TMEM106A: variants seen among roughly 807,000 people sequenced by gnomAD.
TMEM106A encodes transmembrane protein 106A.
Under a neutral mutation model 25.1 loss-of-function variants are expected in TMEM106A, and 22 were observed. That is an observed-to-expected ratio of 0.88 (90% CI 0.63 to 1.25). The LOEUF (loss-of-function observed/expected upper bound fraction) is 1.25. Ranked by LOEUF, TMEM106A falls within the 50% of genes most tolerant of loss-of-function variation. TMEM106A has a pLI of 0.00. For synonymous variants in TMEM106A, 104 were observed against 129.9 expected (o/e 0.80, Z 1.35); for missense variants, 275 against 318.1 (o/e 0.86, Z 1.03).
At chr17:43,213,372 C>A in intron 3 of TMEM106A, 120 bp downstream of exon 3, 1 of 1,054,378 alleles carries the variant, frequency 9.5e-7, no homozygotes, top group Non-Finnish European at 1.4e-6. Flanking sequence ...AGCTCTTGAC[C>A]TCCCAGTCTC....
rs754046057 is a variant in TMEM106A, at chr17:43,215,822, C to T, written c.310C>T (p.Leu104=). 1.2e-6 allele frequency: 2 copies of T among 1,614,110 alleles called. No individual in the cohort carries two copies. Among genetic ancestry groups the T allele is most frequent in the South Asian group, 1.1e-5 (1 of 91,084 alleles). ...LFVFLAVLIC[L]VTSSFIVFFL... Reference sequence around the variant, plus strand: ...TGTGTTCCTGGCCGTGCTCATCTGCCTGGTGACCTCCTCCTTCATCGTCTT... The same window carrying T: ...TGTGTTCCTGGCCGTGCTCATCTGCTTGGTGACCTCCTCCTTCATCGTCTT... The change falls in exon 5 of 9, where the codon CTG becomes TTG. Residue 104 remains leucine, a synonymous_variant. Transcript: ENST00000612339.
rs2057486584 is a variant in TMEM106A at position 43,216,438 on chromosome 17, T to C, written c.430-11T>C. ...ATCTTCACTCCTCCCTTCCCTTGTC[T>C]TCATCCCCAGAATATCTTAAACATC... On this transcript the variant is annotated splice_polypyrimidine_tract_variant and intron_variant, in intron 5 of 8. Transcript: ENST00000612339. 6.2e-7 allele frequency: 1 copy of C among 1,613,190 alleles called. No individual in the cohort carries two copies. The highest frequency in any genetic ancestry group is 8.5e-7 in the Non-Finnish European group (1 of 1,179,272).
intron 3 of TMEM106A, 95 bp downstream of exon 3, chr17:43,213,347 G>A: frequency 7.7e-7 from 1 of 1,298,480 alleles, no homozygotes; most frequent in Non-Finnish European, 1.1e-6. Flanking sequence ...CTTGGATGGG[G>A]TTAGATCTGC....
Position 43,217,823 on chromosome 17 carries a change from C to T in TMEM106A, c.*22C>T. 6.2e-7 allele frequency: 1 copy of T among 1,613,868 alleles called. No homozygotes were observed. The highest frequency in any genetic ancestry group is 8.5e-7 in the Non-Finnish European group (1 of 1,179,832). Reference sequence around the variant, plus strand: ...ATGACCTGTCTGCTGTCCCTGTACTCCAGGCACCTGCAACCCTGGTCTATA... The same window carrying T: ...ATGACCTGTCTGCTGTCCCTGTACTTCAGGCACCTGCAACCCTGGTCTATA... On this transcript the variant is annotated 3_prime_UTR_variant, in exon 9 of 9. Transcript: ENST00000612339.
intron 7 of TMEM106A, 125 bp downstream of exon 7, chr17:43,216,865 C>A: frequency 1.6e-6 from 2 of 1,265,048 alleles, no homozygotes; most frequent in Non-Finnish European, 2.3e-6. Flanking sequence ...CCTCCCATGG[C>A]CGAGAATGTA....
chr17:43,214,112 A>T, intron 4 of TMEM106A: 2 of 385,378 alleles, frequency 5.2e-6, no homozygotes, highest in Non-Finnish European at 9.5e-6. Flanking sequence ...GCACTTTGGG[A>T]GGCCAAGGCA....
At position 43,217,709 on chromosome 17, in the gene TMEM106A, C is replaced by T. The variant is rs1207001092; in HGVS notation, c.697C>T (p.His233Tyr). The T allele has an allele frequency of 6.2e-7, 1 of 1,614,202 alleles. No individual in the cohort carries two copies. Among genetic ancestry groups the T allele is most frequent in the Non-Finnish European group, 8.5e-7 (1 of 1,180,040 alleles). The change falls in exon 9 of 9, where the codon CAT becomes TAT. Residue 233 changes from histidine (H) to tyrosine (Y), a missense_variant. Coordinates refer to ENST00000612339, the MANE Select transcript of TMEM106A (RefSeq NM_145041.4). ...CACCCTGACCTGTTCATACCTGAGC[C>T]ATTCAGAGCAGCTGGTCTTTCAGAG... ...QGTLTCSYLSHSEQLVFQSYE... is the reference protein window; with the variant it reads ...QGTLTCSYLSYSEQLVFQSYE...
rs1273375911 is a variant in TMEM106A at position 43,219,701 on chromosome 17, C to T, written c.*1900C>T. On this transcript the variant is annotated 3_prime_UTR_variant, in exon 9 of 9. Transcript: ENST00000612339. ...GAGCCAAGATCGCACCACTGCACTCCAGCCTGGGCAACAAGGGCGAGACTC... is the reference window on the plus strand; with the variant it reads ...GAGCCAAGATCGCACCACTGCACTCTAGCCTGGGCAACAAGGGCGAGACTC... The T allele has an allele frequency of 7.0e-6, 1 of 142,798 alleles. No homozygotes were observed. The highest frequency in any genetic ancestry group is 1.5e-5 in the Non-Finnish European group (1 of 66,576). 8.8% of individuals were successfully genotyped at this position (142,798 alleles called of 1,614,324 possible).
In TMEM106A at chr17:43,217,266, T is replaced by C. The variant is rs1567877246; in HGVS notation, c.622T>C (p.Cys208Arg). 6.2e-7 allele frequency: 1 copy of C among 1,614,210 alleles called. No homozygotes were observed. The highest frequency in any genetic ancestry group is 8.5e-7 in the Non-Finnish European group (1 of 1,180,024). Residue 208 changes from cysteine to arginine, a missense_variant, in exon 8 of 9, where the codon TGT becomes CGT. Physicochemically the swap from Cys to Arg is radical, Grantham distance 180 (BLOSUM62 -3). Transcript: ENST00000612339. ...TCTTTTCTTCTCTCTCAGCAAAATC[T>C]GTACCTGGCTGGAAATCAAAGTCCA... is the stretch of plus-strand genomic sequence containing the variant. ...KIRDENTYKI[C>R]TWLEIKVHHV...
At position 43,213,129 on chromosome 17, in the gene TMEM106A, G is replaced by A. The variant is rs753242666; in HGVS notation, c.88G>A (p.Ala30Thr). ...LSSKPAIGSK[A>T]VNYSSTGSSK... ...CTCCAAACCAGCCATTGGCAGCAAG[G>A]CTGTCAACTACTCCAGCACCGGTAG... The change falls in exon 3 of 9, where the codon GCT (alanine) becomes ACT (threonine). Residue 30 changes from alanine (A) to threonine (T), a missense_variant. By Grantham distance (58) the Ala-to-Thr change is moderately conservative (BLOSUM62 0). Coordinates refer to ENST00000612339, the MANE Select transcript of TMEM106A (RefSeq NM_145041.4). The A allele has an allele frequency of 6.2e-7, 1 of 1,614,206 alleles. No individual in the cohort carries two copies. The highest frequency in any genetic ancestry group is 2.2e-5 in the East Asian group (1 of 44,884).
chr17:43,212,305 C>T lies in TMEM106A; in HGVS notation c.-111C>T, dbSNP rs1160697520. ...TCAGCTCAGCCCAGCCCAGCCCACT[C>T]TGCCCTTAGAGGCCCTTCTCCCCAA... On this transcript the variant is annotated 5_prime_UTR_variant, in exon 2 of 9. Coordinates refer to ENST00000612339, the MANE Select transcript of TMEM106A (RefSeq NM_145041.4). 1 of 152,732 alleles carries T rather than the reference C, an allele frequency of 6.5e-6. No individual in the cohort carries two copies. The highest frequency in any genetic ancestry group is 1.5e-5 in the Non-Finnish European group (1 of 68,342). The allele number at this position is 152,732 out of a possible 1,614,324, so 9.5% of individuals were successfully genotyped here. A position where few individuals can be genotyped will look rare whatever the true frequency, so the allele number is the denominator to read the frequency against.
chr17:43,215,485 C>A (rs2057476457), intron 4 of TMEM106A, among the ~76,000 whole-genome samples: 1 of 152,134 alleles, frequency 6.6e-6, no homozygotes, highest in Non-Finnish European at 1.5e-5. Flanking sequence ...ATAACAAATT[C>A]TGTGAGGTCA....
At position 43,216,618 on chromosome 17, in the gene TMEM106A, C is replaced by T. The variant is rs773243179; in HGVS notation, c.570+29C>T. The T allele has an allele frequency of 5.0e-6, 8 of 1,614,038 alleles. No individual in the cohort carries two copies. In the Admixed American group the frequency reaches 1.3e-4, roughly 27 times the overall value. On this transcript the variant is annotated intron_variant, in intron 6 of 8. Transcript: ENST00000612339. Reference sequence around the variant, plus strand: ...ACTCCCCTCTCCCTGGCCAGCCCTGCCCACTGGTGTGTGGATGTGTGGTAG... The same window carrying T: ...ACTCCCCTCTCCCTGGCCAGCCCTGTCCACTGGTGTGTGGATGTGTGGTAG...
In TMEM106A at chr17:43,216,869, G is replaced by A. The variant is rs992014071; in HGVS notation, c.614+129G>A. Reference sequence around the variant, plus strand: ...ATCTGGCCTGCCCTCCCATGGCCGAGAATGTAATAAGCAAGGGTTCAGGGT... The same window carrying A: ...ATCTGGCCTGCCCTCCCATGGCCGAAAATGTAATAAGCAAGGGTTCAGGGT... On this transcript the variant is annotated intron_variant, in intron 7 of 8. Coordinates refer to ENST00000612339, the MANE Select transcript of TMEM106A (RefSeq NM_145041.4). 3.3e-6 allele frequency: 4 copies of A among 1,224,030 alleles called. No homozygotes were observed. The African/African-American group carries it at 4.5e-5, about 14-fold the overall frequency. 75.8% of individuals were successfully genotyped at this position (1,224,030 alleles called of 1,614,324 possible). A position where few individuals can be genotyped will look rare whatever the true frequency, so the allele number is the denominator to read the frequency against.
rs190850655 is a variant in TMEM106A, at chr17:43,219,198, G to A, written c.*1397G>A. 8 of 152,286 alleles carry A rather than the reference G, an allele frequency of 5.3e-5. No homozygotes were observed. The highest frequency in any genetic ancestry group is 7.3e-5 in the Non-Finnish European group (5 of 68,034). The allele number at this position is 152,286 out of a possible 1,614,324, so 9.4% of individuals were successfully genotyped here. A position where few individuals can be genotyped will look rare whatever the true frequency, so the allele number is the denominator to read the frequency against. ...TGAAGCTATCAGTATCCAGCTGAAG[G>A]CTGCTGGGTTCTGTTCCACCACCAC... On this transcript the variant is annotated 3_prime_UTR_variant, in exon 9 of 9. Coordinates refer to ENST00000612339, the MANE Select transcript of TMEM106A (RefSeq NM_145041.4).
At chr17:43,216,652 G>A (rs1263015277) in intron 6 of TMEM106A, 45 bp from the exon 7 acceptor site, 1 of 1,614,134 alleles carries the variant, frequency 6.2e-7, no homozygotes, top group Non-Finnish European at 8.5e-7. Flanking sequence ...AGTGGGAAAG[G>A]GGCAGCTGGA....
chr17:43,217,591 G>A, intron 8 of TMEM106A, 90 bp from the exon 9 acceptor site: 1 of 1,546,732 alleles, frequency 6.5e-7, no homozygotes, highest in Non-Finnish European at 8.7e-7. Context: ...AAATGAGGGA[G>A]CTCCCCGCTC....
At position 43,217,248 on chromosome 17, in the gene TMEM106A, TTC is replaced by T. The variant is rs748981220; in HGVS notation, c.615-4_615-3del. 48 of 1,614,038 alleles carry T rather than the reference TTC, an allele frequency of 3.0e-5. No individual in the cohort carries two copies. Among genetic ancestry groups the T allele is most frequent in the South Asian group, 8.8e-5 (8 of 91,092 alleles). On this transcript the variant is annotated splice_polypyrimidine_tract_variant and intron_variant, in intron 7 of 8. Transcript: ENST00000612339. Reference sequence around the variant, plus strand: ...ACACGTGGTCCCACGTTCTCTTTTCTTCTCTCTCAGCAAAATCTGTACCTGGC... The same window carrying T: ...ACACGTGGTCCCACGTTCTCTTTTCTTCTCTCAGCAAAATCTGTACCTGGC...
At chr17:43,217,392 A>T in intron 8 of TMEM106A, 80 bp downstream of exon 8, 1 of 1,526,838 alleles carries the variant, frequency 6.5e-7, no homozygotes, top group Non-Finnish European at 9.1e-7. Context: ...ATGGGCAGAG[A>T]GTCTTCCAAG....
Sources: gnomAD v4.1 joint callset for allele counts (sites outside exome capture counted in the v4.1 genomes callset) on GRCh38, gnomAD v4.1.1 for gene constraint, MANE v1.5 for transcripts, NCBI Gene and HGNC (gene_info 2026-07-23, HGNC 2026-07-21) for gene names.